RASL12: variants seen among roughly 807,000 people sequenced by gnomAD.
The protein encoded by RASL12 is RAS like family 12, also known as ras-like protein family member 12.
RASL12 carries 16 observed loss-of-function variants against 22.9 expected under a neutral mutation model. That is an observed-to-expected ratio of 0.70 (90% confidence interval 0.47 to 1.06). The LOEUF (loss-of-function observed/expected upper bound fraction) is 1.06. Among genes scored for constraint, RASL12 ranks in the 50% least tolerant of loss-of-function variants. The pLI is 0.00. For missense variants in RASL12, 306 were observed against 353.1 expected, an observed-to-expected ratio of 0.87 and a Z score of 1.07; for synonymous variants, 159 against 152.2, an observed-to-expected ratio of 1.04 and a Z score of -0.33.
chr15:65,055,436 T>C (rs969486848), intron 4 of RASL12, among the ~76,000 whole-genome samples, 162 bp from the exon 5 acceptor site: 1 of 152,238 alleles, frequency 6.6e-6, no homozygotes, highest in Non-Finnish European at 1.5e-5. Context: ...GTTACTGCCC[T>C]CTGCCTCTCA....
At chr15:65,050,836 C>CTTTTTTTTTTTT (rs57404080), downstream of RASL12, among the ~76,000 whole-genome samples, 2 of 95,648 alleles carry the variant, frequency 2.1e-5, no homozygotes, top group Admixed American at 1.4e-4. Flanking sequence ...TCTTCTTCTT[C>CTTTTTTTTTTTT]TTTTTTTTTT....
chr15:65,047,392 A>T, the RASL12 span, among the ~76,000 whole-genome samples: 1 of 152,150 alleles, frequency 6.6e-6, no homozygotes, highest in South Asian at 2.1e-4. Context: ...ATATATACAC[A>T]CATTAAAAAT....
chr15:65,065,634 C>T (rs567240119), intron 1 of RASL12, among the ~76,000 whole-genome samples: 29 of 152,262 alleles, frequency 1.9e-4, no homozygotes, highest in African/African-American at 6.3e-4. Flanking sequence ...TCGCCCACCC[C>T]GGACAAGTCA....
chr15:65,054,208 G>C lies in RASL12; in HGVS notation c.*691C>G. ...CAGTGGGAAAACACATGGAGAATCTGTCTGCTGGTGAAAGAACTCTGGGGC... is the reference window on the plus strand; with the variant it reads ...CAGTGGGAAAACACATGGAGAATCTCTCTGCTGGTGAAAGAACTCTGGGGC... On this transcript the variant is annotated 3_prime_UTR_variant, in exon 5 of 5. Transcript: ENST00000220062. 1 of 985,500 alleles carries C rather than the reference G, an allele frequency of 1.0e-6. No homozygotes were observed. The highest frequency in any genetic ancestry group is 1.2e-6 in the Non-Finnish European group (1 of 829,990). 61.0% of individuals were successfully genotyped at this position (985,500 alleles called of 1,614,324 possible). A position where few individuals can be genotyped will look rare whatever the true frequency, so the allele number is the denominator to read the frequency against.
At chr15:65,075,319 G>T (rs2086958474) in intron 1 of RASL12, among the ~76,000 whole-genome samples, 1 of 152,226 alleles carries the variant, frequency 6.6e-6, no homozygotes, top group Middle Eastern at 3.2e-3. Flanking sequence ...CACTCCATGG[G>T]CTCCTGTGCG....
the RASL12 span, among the ~76,000 whole-genome samples, chr15:65,045,901 C>T: frequency 6.6e-6 from 1 of 152,354 alleles, no homozygotes; most frequent in Non-Finnish European, 1.5e-5. Context: ...CGCAGTGGCT[C>T]ACGCCTGTAA....
At chr15:65,070,647 T>A (rs769147699), upstream of RASL12, among the ~76,000 whole-genome samples, 3 of 152,090 alleles carry the variant, frequency 2.0e-5, no homozygotes, top group Non-Finnish European at 2.9e-5. Flanking sequence ...GGAGCAAATA[T>A]AGGTCTAGAC....
At chr15:65,050,912 T>G (rs940494093), downstream of RASL12, among the ~76,000 whole-genome samples, 3 of 145,786 alleles carry the variant, frequency 2.1e-5, no homozygotes, top group Admixed American at 7.0e-5. Context: ...TGGTGCAATC[T>G]TGGCTCACTG....
chr15:65,063,663 T>C (rs1237980190), intron 2 of RASL12, among the ~76,000 whole-genome samples: 1 of 152,200 alleles, frequency 6.6e-6, no homozygotes, highest in Non-Finnish European at 1.5e-5. Flanking sequence ...GACTTACCCA[T>C]GGGAACCCCT....
intron 4 of RASL12, among the ~76,000 whole-genome samples, chr15:65,057,388 C>T (rs2086745697): frequency 6.6e-6 from 1 of 152,182 alleles, no homozygotes; most frequent in South Asian, 2.1e-4. Context: ...GTTCAGGCAT[C>T]ACAGTGTCAA....
In RASL12 at chr15:65,065,128, C is replaced by A. The variant is rs550703105; in HGVS notation, c.160+89G>T. On this transcript the variant is annotated intron_variant, in intron 2 of 4. Coordinates refer to ENST00000220062, the MANE Select transcript of RASL12 (RefSeq NM_016563.4). The stretch of plus-strand genomic sequence containing the variant: ...TCCCTTCTGTCCCCAGACATGCAGT[C>A]CTGGTCAGTGCCCACCCACGGGGTG... 7 of 1,277,254 alleles carry A rather than the reference C, an allele frequency of 5.5e-6. No individual in the cohort carries two copies. In the African/African-American group the frequency reaches 7.3e-5, roughly 13 times the overall value. The allele number at this position is 1,277,254 out of a possible 1,614,324, so 79.1% of individuals were successfully genotyped here.
intron 1 of RASL12, among the ~76,000 whole-genome samples, chr15:65,075,756 C>A (rs2140541377): frequency 6.6e-6 from 1 of 151,886 alleles, no homozygotes; most frequent in East Asian, 1.9e-4. Context: ...CAATCAGCAC[C>A]CTGTGTCTAG....
chr15:65,064,513 C>T (rs1179720869), intron 2 of RASL12, among the ~76,000 whole-genome samples: 1 of 152,180 alleles, frequency 6.6e-6, no homozygotes, highest in East Asian at 1.9e-4. Flanking sequence ...GCCAGCACCA[C>T]TAGAGAATTT....
upstream of RASL12, among the ~76,000 whole-genome samples, chr15:65,068,894 T>C (rs117712491): frequency 5.9e-3 from 906 of 152,312 alleles, 3 homozygotes; most frequent in Non-Finnish European, 9.9e-3. This position sits in a 1 kb window ranked among gnomAD's most constrained non-coding sequence, Gnocchi z 4.2. Flanking sequence ...ATATAAATAC[T>C]GAAGGAAGGG....
chr15:65,075,952 G>C (rs1044776598), intron 1 of RASL12, among the ~76,000 whole-genome samples: 2 of 151,728 alleles, frequency 1.3e-5, no homozygotes, highest in East Asian at 1.9e-4. Flanking sequence ...TGCACCAGTC[G>C]ACACTCTGTA....
chr15:65,062,417 T>C (rs1184783818), intron 2 of RASL12, among the ~76,000 whole-genome samples: 1 of 152,202 alleles, frequency 6.6e-6, no homozygotes, highest in Non-Finnish European at 1.5e-5. Context: ...CCAGGCCCTC[T>C]ATGACATGAG....
intron 2 of RASL12, among the ~76,000 whole-genome samples, chr15:65,062,954 T>C (rs2086829400): frequency 6.6e-6 from 1 of 152,230 alleles, no homozygotes; most frequent in South Asian, 2.1e-4. Flanking sequence ...ACTCGTGGGC[T>C]GTCAGTGTAG....
intron 1 of RASL12, among the ~76,000 whole-genome samples, chr15:65,073,535 T>C (rs866884392): frequency 9.2e-5 from 14 of 152,336 alleles, no homozygotes; most frequent in South Asian, 8.3e-4. Context: ...GTAATGAGGA[T>C]GGGGAGCGGC....
the RASL12 span, among the ~76,000 whole-genome samples, chr15:65,047,233 G>C: frequency 6.6e-6 from 1 of 151,832 alleles, no homozygotes; most frequent in South Asian, 2.1e-4. Context: ...CTACTCAGGA[G>C]GCTGAGGCAA....
Sources: allele counts gnomAD v4.1 joint callset (sites outside exome capture counted in the v4.1 genomes callset), GRCh38; gene constraint gnomAD v4.1.1; non-coding constraint Gnocchi (gnomAD v3.1); transcripts MANE v1.5; gene names NCBI Gene and HGNC (gene_info 2026-07-23, HGNC 2026-07-21).